The following PAN3 variants were observed in gnomAD, a reference collection of about 807,000 sequenced individuals.
The protein encoded by PAN3 is poly(A) specific ribonuclease subunit PAN3.
In PAN3, 19 loss-of-function variants were observed where a neutral mutation model predicts 96.2. The ratio of observed to expected loss-of-function variants is 0.20; its 90% CI spans 0.14 to 0.29. PAN3 has a LOEUF of 0.29. Ranked by LOEUF, PAN3 falls within the 10% of genes least tolerant of loss-of-function variation. The pLI is 1.00. For missense variants in PAN3, 882 were observed against 1,108.1 expected, an observed-to-expected ratio of 0.80 and a Z score of 2.90; for synonymous variants, 433 against 406.6, an observed-to-expected ratio of 1.06 and a Z score of -0.78.
At chr13:28,151,502 C>T (rs369066234) in intron 1 of PAN3, among the ~76,000 whole-genome samples, 4 of 150,950 alleles carry the variant, frequency 2.6e-5, no homozygotes, top group Non-Finnish European at 5.9e-5. Flanking sequence ...GTGACAGAGC[C>T]AGACTCTGTC....
chr13:28,187,799 C>G (rs1876683242), intron 4 of PAN3, among the ~76,000 whole-genome samples: 1 of 152,086 alleles, frequency 6.6e-6, no homozygotes, highest in South Asian at 2.1e-4. Flanking sequence ...TTCAAGTGAT[C>G]CTCCTGTCTC....
chr13:28,213,052 G>T (rs922672542), intron 5 of PAN3, among the ~76,000 whole-genome samples: 9 of 152,016 alleles, frequency 5.9e-5, no homozygotes, highest in African/African-American at 1.9e-4. Flanking sequence ...AACCATTTTT[G>T]AGGAATAACA....
chr13:28,202,452 T>G (rs576632775), intron 5 of PAN3, among the ~76,000 whole-genome samples: 1 of 152,328 alleles, frequency 6.6e-6, no homozygotes, highest in South Asian at 2.1e-4. Flanking sequence ...TGAGTTTATC[T>G]CTTCATATCC....
intron 6 of PAN3, among the ~76,000 whole-genome samples, chr13:28,233,928 A>G (rs1189130099): frequency 6.6e-6 from 1 of 152,230 alleles, no homozygotes; most frequent in Non-Finnish European, 1.5e-5. Flanking sequence ...GATGTGTATC[A>G]GCATTTCCCA....
chr13:28,290,076 A>AT (rs906931581), intron 18 of PAN3, among the ~76,000 whole-genome samples: 13 of 152,338 alleles, frequency 8.5e-5, no homozygotes, highest in Admixed American at 3.9e-4. Flanking sequence ...TCTATGGCCT[A>AT]TTTTTTTAAA....
intron 5 of PAN3, among the ~76,000 whole-genome samples, chr13:28,202,395 T>C (rs1325821983): frequency 2.0e-5 from 3 of 152,216 alleles, no homozygotes; most frequent in Admixed American, 6.5e-5. Context: ...CATATACAGC[T>C]TCTGAATAAT....
intron 3 of PAN3, among the ~76,000 whole-genome samples, chr13:28,177,643 A>G (rs1875209769): frequency 6.6e-6 from 1 of 152,204 alleles, no homozygotes; most frequent in African/African-American, 2.4e-5. Flanking sequence ...TTCTAGTCAA[A>G]TAGATCTATC....
chr13:28,172,398 G>A (rs1242893996), intron 1 of PAN3, among the ~76,000 whole-genome samples: 1 of 152,140 alleles, frequency 6.6e-6, no homozygotes, highest in Non-Finnish European at 1.5e-5. Flanking sequence ...GAAGCTTGCA[G>A]TGAGCCGAGA....
intron 17 of PAN3, among the ~76,000 whole-genome samples, chr13:28,281,890 C>G (rs190600869): frequency 1.3e-4 from 20 of 152,102 alleles, no homozygotes; most frequent in Admixed American, 7.2e-4. Context: ...CCTGCTTCAG[C>G]CTCCCAAGTA....
At chr13:28,256,966 G>T (rs1885199454) in intron 7 of PAN3, among the ~76,000 whole-genome samples, 1 of 152,128 alleles carries the variant, frequency 6.6e-6, no homozygotes. Flanking sequence ...TTCAGATGAG[G>T]TAGTTATTTA....
At chr13:28,221,704 T>G (rs565228308) in intron 6 of PAN3, among the ~76,000 whole-genome samples, 1 of 152,290 alleles carries the variant, frequency 6.6e-6, no homozygotes, top group East Asian at 1.9e-4. Context: ...TCCCTTACCT[T>G]TTCTTCTACT....
chr13:28,219,047 A>C (rs1038354041), intron 5 of PAN3, among the ~76,000 whole-genome samples: 1 of 152,210 alleles, frequency 6.6e-6, no homozygotes, highest in Non-Finnish European at 1.5e-5. Flanking sequence ...AGTAAAATGC[A>C]GTGGCTGGTT....
intron 6 of PAN3, among the ~76,000 whole-genome samples, chr13:28,249,782 G>A (rs963888146): frequency 6.6e-6 from 1 of 152,062 alleles, no homozygotes; most frequent in Non-Finnish European, 1.5e-5. Context: ...GAGCCTTCCT[G>A]TCCCCCTTCA....
At chr13:28,249,638 C>T (rs1279249195) in intron 6 of PAN3, among the ~76,000 whole-genome samples, 2 of 151,770 alleles carry the variant, frequency 1.3e-5, no homozygotes, top group African/African-American at 2.4e-5. Context: ...TTAGTAGAGA[C>T]GGGGTTTCAC....
At chr13:28,179,077 TTACAAAATGC>T (rs1875427336) in intron 4 of PAN3, among the ~76,000 whole-genome samples, 1 of 152,228 alleles carries the variant, frequency 6.6e-6, no homozygotes, top group Non-Finnish European at 1.5e-5. Context: ...AAGAAGGTAA[TTACAAAATGC>T]TTTTTAGCAA....
At chr13:28,160,238 G>A (rs373862079) in intron 1 of PAN3, among the ~76,000 whole-genome samples, 3 of 152,242 alleles carry the variant, frequency 2.0e-5, no homozygotes, top group African/African-American at 7.2e-5. Context: ...CACTGTGCCC[G>A]GCTTTACTCT....
At chr13:28,152,089 G>A (rs1469155434) in intron 1 of PAN3, among the ~76,000 whole-genome samples, 1 of 152,120 alleles carries the variant, frequency 6.6e-6, no homozygotes, top group Non-Finnish European at 1.5e-5. Context: ...GAATAGGTAA[G>A]TAACATTTGG....
chr13:28,233,853 C>T lies in PAN3; in HGVS notation c.1000+13475C>T, dbSNP rs546846161. Among the ~76,000 whole-genome samples the T allele has an allele frequency of 9.2e-5, 14 of 152,206 alleles. No individual in the cohort carries two copies. The South Asian group carries it at 2.7e-3, about 29-fold the overall frequency. The stretch of plus-strand genomic sequence containing the variant: ...AAAAAGAATATAGTTCCATTTATTT[C>T]ATCAGAAATTCTGTTTTATTGCATT... On this transcript the variant is annotated intron_variant, in intron 6 of 18. Transcript: ENST00000380958.
At chr13:28,261,930 A>C (rs1314292132) in intron 9 of PAN3, among the ~76,000 whole-genome samples, 1 of 152,084 alleles carries the variant, frequency 6.6e-6, no homozygotes, top group African/African-American at 2.4e-5. Flanking sequence ...TTCACAAAAA[A>C]AGTATATAAT....
Sources: gnomAD v4.1 joint callset for allele counts (sites outside exome capture counted in the v4.1 genomes callset) on GRCh38, gnomAD v4.1.1 for gene constraint, MANE v1.5 for transcripts, NCBI Gene and HGNC (gene_info 2026-07-23, HGNC 2026-07-21) for gene names.